CLDN11: variants seen among roughly 807,000 people sequenced by gnomAD.
CLDN11 encodes claudin 11, also known as claudin-11.
Under a neutral mutation model 18.0 loss-of-function variants are expected in CLDN11, and 1 was observed. The ratio of observed to expected loss-of-function variants is 0.06; its 90% CI spans 0.02 to 0.26. CLDN11 has a LOEUF of 0.26. CLDN11 is among the 10% of genes least tolerant of loss of function. The pLI is 1.00. For synonymous variants in CLDN11, 116 were observed against 121.5 expected (o/e 0.96, Z 0.30); for missense variants, 172 against 276.6 (o/e 0.62, Z 2.68).
At chr3:170,431,966 T>C (rs1259206441) in intron 2 of CLDN11, among the ~76,000 whole-genome samples, 5 of 152,232 alleles carry the variant, frequency 3.3e-5, no homozygotes, top group Admixed American at 2.6e-4. Context: ...TTGACCAAAC[T>C]GAGAAAATAG....
Position 170,424,680 on chromosome 3 carries a change from C to A in CLDN11, c.391+1353C>A, listed in dbSNP as rs149696210. 8.3e-4 allele frequency among the ~76,000 whole-genome samples: 126 copies of A among 152,252 alleles called. 1 individual carries two copies. Among genetic ancestry groups the A allele is most frequent in the Non-Finnish European group, 6.2e-4 (42 of 68,026 alleles). Reference sequence around the variant, plus strand: ...TGGTAATGGGTTAGATATAAAATCACCTTCTTCTGAAACAAGGAATTCATA... The same window carrying A: ...TGGTAATGGGTTAGATATAAAATCAACTTCTTCTGAAACAAGGAATTCATA... On this transcript the variant is annotated intron_variant, in intron 2 of 2. Transcript: ENST00000064724.
At chr3:170,431,244 C>T (rs2108248684) in intron 2 of CLDN11, among the ~76,000 whole-genome samples, 1 of 152,196 alleles carries the variant, frequency 6.6e-6, no homozygotes, top group Non-Finnish European at 1.5e-5. Flanking sequence ...GAGTAGAAAT[C>T]AGAAAAAAGC....
intron 2 of CLDN11, 72 bp downstream of exon 2, chr3:170,423,399 C>T: frequency 6.5e-7 from 1 of 1,538,932 alleles, no homozygotes; most frequent in East Asian, 2.3e-5. Context: ...TGGTTGCTGC[C>T]TTCTCAAGTT....
intron 1 of CLDN11, chr3:170,421,170 C>T: frequency 2.7e-6 from 1 of 366,128 alleles, no homozygotes; most frequent in Non-Finnish European, 3.6e-6. Context: ...GGGTGGGGGG[C>T]GGCGCTAGTC....
At chr3:170,427,806 CAAAAAAA>C (rs1175282704) in intron 2 of CLDN11, among the ~76,000 whole-genome samples, 3 of 56,100 alleles carry the variant, frequency 5.3e-5, no homozygotes, top group Non-Finnish European at 8.0e-5. Flanking sequence ...GAGACTGTCT[CAAAAAAA>C]AAAAAAAAAA....
intron 2 of CLDN11, chr3:170,423,544 A>T (rs1213050441): frequency 1.8e-6 from 1 of 544,798 alleles, no homozygotes; most frequent in Middle Eastern, 4.8e-4. Context: ...CATGAAGATA[A>T]GTTTAAAAAG....
chr3:170,431,886 C>T (rs377171144), intron 2 of CLDN11, among the ~76,000 whole-genome samples: 16 of 152,160 alleles, frequency 1.1e-4, no homozygotes, highest in Admixed American at 7.9e-4. Context: ...TCTGGTACTC[C>T]GTTTTCATCT....
At position 170,423,182 on chromosome 3, in the gene CLDN11, C is replaced by T. The variant is rs1455930591; in HGVS notation, c.246C>T (p.Arg82=). 3 of 1,614,100 alleles carry T rather than the reference C, an allele frequency of 1.9e-6. No individual in the cohort carries two copies. Among genetic ancestry groups the T allele is most frequent in the Non-Finnish European group, 2.5e-6 (3 of 1,180,054 alleles). ...LILPGYVQAC[R]ALMIAASVLG... is the part of the protein sequence containing the mutation. ...TCCCAGGCTACGTGCAGGCCTGCCGCGCCCTGATGATTGCTGCCTCGGTCC... is the reference window on the plus strand; with the variant it reads ...TCCCAGGCTACGTGCAGGCCTGCCGTGCCCTGATGATTGCTGCCTCGGTCC... Residue 82 remains arginine, a synonymous_variant, in exon 2 of 3, where the codon CGC becomes CGT. Transcript: ENST00000064724.
rs1739036501 is a variant in CLDN11 at position 170,432,821 on chromosome 3, TCA to T, written c.*68_*69del. Reference sequence around the variant, plus strand: ...GGGCCCAGGGCCCTAGGTTTGCTCGTCACAGTGTGGGGAAGCCCATTCCTCTG... The same window carrying T: ...GGGCCCAGGGCCCTAGGTTTGCTCGTCAGTGTGGGGAAGCCCATTCCTCTG... On this transcript the variant is annotated 3_prime_UTR_variant, in exon 3 of 3. Coordinates refer to ENST00000064724, the MANE Select transcript of CLDN11 (RefSeq NM_005602.6). 6.7e-7 allele frequency: 1 copy of T among 1,497,542 alleles called. No homozygotes were observed. Among genetic ancestry groups the T allele is most frequent in the African/African-American group, 1.4e-5 (1 of 72,466 alleles). 92.8% of individuals were successfully genotyped at this position (1,497,542 alleles called of 1,614,324 possible).
chr3:170,420,025 T>C (rs1479635476), intron 1 of CLDN11, among the ~76,000 whole-genome samples: 2 of 152,268 alleles, frequency 1.3e-5, no homozygotes, highest in East Asian at 3.9e-4. Flanking sequence ...GAGCGGGCGC[T>C]CCTCGGAGGG....
rs1354978810 is a variant in CLDN11 at position 170,434,342 on chromosome 3, A to C, written c.*1586A>C. 6.6e-6 allele frequency among the ~76,000 whole-genome samples: 1 copy of C among 152,224 alleles called. No individual in the cohort carries two copies. The highest frequency in any genetic ancestry group is 1.5e-5 in the Non-Finnish European group (1 of 68,036). ...AGTGGGGTGACTTTATGGCATCTTT[A>C]ATCATCGATCAATGGGCAGCAATCA... On this transcript the variant is annotated 3_prime_UTR_variant, in exon 3 of 3. Transcript: ENST00000064724.
Position 170,432,863 on chromosome 3 carries a change from C to A in CLDN11, c.*107C>A. ...CCATTCCTCTGCCAGGCTCTAAAGC[C>A]AAAGGTCTAGAAAAGCATCCTGTCT... On this transcript the variant is annotated 3_prime_UTR_variant, in exon 3 of 3. Transcript: ENST00000064724. 9.4e-7 allele frequency: 1 copy of A among 1,065,246 alleles called. No individual in the cohort carries two copies. The highest frequency in any genetic ancestry group is 1.4e-6 in the Non-Finnish European group (1 of 709,536). The allele number at this position is 1,065,246 out of a possible 1,614,324, so 66.0% of individuals were successfully genotyped here.
At position 170,432,730 on chromosome 3, in the gene CLDN11, A is replaced by G; in HGVS notation, c.598A>G (p.Thr200Ala). 6.2e-7 allele frequency: 1 copy of G among 1,614,054 alleles called. No individual in the cohort carries two copies. Among genetic ancestry groups the G allele is most frequent in the Non-Finnish European group, 8.5e-7 (1 of 1,180,006 alleles). Residue 200 changes from threonine (T) to alanine (A), a missense_variant, in exon 3 of 3, where the codon ACT (threonine) becomes GCT (alanine). Physicochemically the swap from Thr to Ala is moderately conservative, Grantham distance 58. Coordinates refer to ENST00000064724, the MANE Select transcript of CLDN11 (RefSeq NM_005602.6). The stretch of plus-strand genomic sequence containing the variant: ...CTACACTGCGGGCTCTAGCTCCCCG[A>G]CTCATGCGAAGAGTGCCCACGTATA... Reference protein sequence around the residue: ...FYYTAGSSSPTHAKSAHV With the variant: ...FYYTAGSSSPAHAKSAHV
At chr3:170,421,215 G>A in intron 1 of CLDN11, 5 of 908,818 alleles carry the variant, frequency 5.5e-6, no homozygotes, top group Non-Finnish European at 6.6e-6. Flanking sequence ...ACTTTGGGTG[G>A]AGGCAGGAAC....
At chr3:170,425,856 G>A (rs1226752638) in intron 2 of CLDN11, among the ~76,000 whole-genome samples, 5 of 152,250 alleles carry the variant, frequency 3.3e-5, no homozygotes, top group Non-Finnish European at 7.3e-5. Flanking sequence ...ACCGGAACGA[G>A]CTAGCTCTGG....
In CLDN11 at chr3:170,432,640, G is replaced by C. The variant is rs753528742; in HGVS notation, c.508G>C (p.Val170Leu). 1.1e-5 allele frequency: 18 copies of C among 1,614,006 alleles called. No individual in the cohort carries two copies. In the East Asian group the frequency reaches 3.8e-4, roughly 34 times the overall value. Residue 170 changes from valine (V) to leucine (L), a missense_variant, in exon 3 of 3, where the codon GTG becomes CTG. Physicochemically the swap from Val to Leu is conservative, Grantham distance 32. Around this residue, in one of 3 missense-constraint regions of CLDN11, gnomAD observed 161 missense variants for 240.3 expected, o/e 0.67. Coordinates refer to ENST00000064724, the MANE Select transcript of CLDN11 (RefSeq NM_005602.6). Reference sequence around the variant, plus strand: ...CTGGATTGGTGCTGTGCTGTGCCTCGTGGGTGGCTGTGTCATCCTCTGCTG... The same window carrying C: ...CTGGATTGGTGCTGTGCTGTGCCTCCTGGGTGGCTGTGTCATCCTCTGCTG... ...AGWIGAVLCL[V>L]GGCVILCCAG...
chr3:170,431,717 TCA>T (rs1739006618), intron 2 of CLDN11, among the ~76,000 whole-genome samples: 1 of 152,218 alleles, frequency 6.6e-6, no homozygotes, highest in Non-Finnish European at 1.5e-5. Context: ...CTCTATAAAA[TCA>T]AAACCAAAAT....
intron 2 of CLDN11, 77 bp from the exon 3 acceptor site, chr3:170,432,447 T>C: frequency 6.3e-7 from 1 of 1,594,860 alleles, no homozygotes; most frequent in South Asian, 1.1e-5. Context: ...AGTGTGTGTA[T>C]GTGGAGTGAG....
chr3:170,431,296 A>G (rs1560236062), intron 2 of CLDN11, among the ~76,000 whole-genome samples: 1 of 152,232 alleles, frequency 6.6e-6, no homozygotes, highest in South Asian at 2.1e-4. Context: ...GGTGGCAAAC[A>G]TCAGACTGGC....
Sources: gnomAD v4.1 joint callset for allele counts (sites outside exome capture counted in the v4.1 genomes callset) on GRCh38, gnomAD v4.1.1 for gene constraint, gnomAD v4.1.1 regional missense constraint, MANE v1.5 for transcripts, NCBI Gene and HGNC (gene_info 2026-07-23, HGNC 2026-07-21) for gene names.